The following CNTNAP2 variants were observed in gnomAD, a reference collection of about 807,000 sequenced individuals.
The protein encoded by CNTNAP2 is contactin-associated protein-like 2.
In CNTNAP2, 98 loss-of-function variants were observed where a neutral mutation model predicts 155.2. The ratio of observed to expected loss-of-function variants is 0.63; its 90% confidence interval spans 0.54 to 0.75. CNTNAP2 has a LOEUF of 0.75. Among genes scored for constraint, CNTNAP2 ranks in the 30% least tolerant of loss-of-function variants. CNTNAP2 has a pLI of 0.00. For synonymous variants in CNTNAP2, 651 were observed against 631.2 expected, an observed-to-expected ratio of 1.03 and a Z score of -0.47; for missense variants, 1,727 against 1,688.1, an observed-to-expected ratio of 1.02 and a Z score of -0.40.
At chr7:147,202,911 A>G (rs1802951269) in intron 8 of CNTNAP2, among the ~76,000 whole-genome samples, 1 of 151,514 alleles carries the variant, frequency 6.6e-6, no homozygotes, top group Non-Finnish European at 1.5e-5. Context: ...ATTGTTATGG[A>G]CACATTTCCA....
intron 2 of CNTNAP2, among the ~76,000 whole-genome samples, chr7:146,826,949 C>T (rs933859737): frequency 6.6e-5 from 10 of 150,986 alleles, no homozygotes; most frequent in Non-Finnish European, 1.3e-4. Flanking sequence ...ACAGTAACTG[C>T]TCTGGAGAAG....
chr7:146,818,585 C>T (rs943127471), intron 2 of CNTNAP2, among the ~76,000 whole-genome samples: 8 of 152,090 alleles, frequency 5.3e-5, no homozygotes, highest in African/African-American at 1.7e-4. Context: ...AGAACTCAAA[C>T]TGATTTCTGT....
rs1252824720 is a variant in CNTNAP2, at chr7:146,350,729, C to T, written c.97+233756C>T. On this transcript the variant is annotated intron_variant, in intron 1 of 23. Transcript: ENST00000361727. The stretch of plus-strand genomic sequence containing the variant: ...ATGCTGCTATAAAGACACATGCACA[C>T]GTATGTTTATTGCGGCACTATTCAC... Among the ~76,000 whole-genome samples, 22 of 152,048 alleles carry T rather than the reference C, an allele frequency of 1.4e-4. No individual in the cohort carries two copies. In the East Asian group the frequency reaches 3.7e-3, roughly 25 times the overall value.
intron 1 of CNTNAP2, among the ~76,000 whole-genome samples, chr7:146,210,045 C>G (rs1799009407): frequency 6.6e-6 from 1 of 152,032 alleles, no homozygotes; most frequent in Non-Finnish European, 1.5e-5. Flanking sequence ...CCCTTCTCCC[C>G]CAGATTAAAT....
chr7:146,911,511 A>G (rs970462612), intron 3 of CNTNAP2, among the ~76,000 whole-genome samples: 78 of 152,194 alleles, frequency 5.1e-4, no homozygotes, highest in Admixed American at 2.2e-3. Flanking sequence ...TTGTAGGGAC[A>G]TGGATGAAAT....
chr7:148,124,830 G>C (rs201373049), intron 16 of CNTNAP2, among the ~76,000 whole-genome samples: 1 of 152,216 alleles, frequency 6.6e-6, no homozygotes, highest in African/African-American at 2.4e-5. Context: ...ATGAACAATC[G>C]GTGGAGAGGT....
At chr7:147,467,556 G>A (rs1261501621) in intron 10 of CNTNAP2, among the ~76,000 whole-genome samples, 1 of 152,160 alleles carries the variant, frequency 6.6e-6, no homozygotes, top group Non-Finnish European at 1.5e-5. Context: ...AGGAAGTATT[G>A]AAAGGTCACC....
intron 1 of CNTNAP2, among the ~76,000 whole-genome samples, chr7:146,179,400 A>G (rs1004574355): frequency 6.6e-6 from 1 of 152,086 alleles, no homozygotes; most frequent in African/African-American, 2.4e-5. Context: ...TATCAAAGAA[A>G]TATAACCTAG....
intron 1 of CNTNAP2, among the ~76,000 whole-genome samples, chr7:146,732,325 G>T (rs942459990): frequency 6.6e-6 from 1 of 152,016 alleles, no homozygotes; most frequent in Non-Finnish European, 1.5e-5. Context: ...CTCTTCACAT[G>T]TTATGACTTT....
At chr7:147,520,403 G>A (rs1051507949) in intron 11 of CNTNAP2, among the ~76,000 whole-genome samples, 1 of 152,174 alleles carries the variant, frequency 6.6e-6, no homozygotes, top group Non-Finnish European at 1.5e-5. Flanking sequence ...GGATGATTTT[G>A]TTTACTACCA....
intron 21 of CNTNAP2, among the ~76,000 whole-genome samples, chr7:148,341,072 A>G (rs1311561717): frequency 6.6e-6 from 1 of 152,152 alleles, no homozygotes; most frequent in Non-Finnish European, 1.5e-5. Flanking sequence ...CACATATGCT[A>G]TGCACTTAGC....
intron 1 of CNTNAP2, among the ~76,000 whole-genome samples, chr7:146,698,898 G>A (rs1161607196): frequency 3.3e-5 from 5 of 151,968 alleles, no homozygotes; most frequent in Non-Finnish European, 5.9e-5. Context: ...ACTGTGTCCA[G>A]CCTACTAATG....
intron 2 of CNTNAP2, among the ~76,000 whole-genome samples, chr7:146,778,774 T>C (rs576302651): frequency 2.4e-4 from 37 of 152,324 alleles, no homozygotes; most frequent in African/African-American, 7.7e-4. Flanking sequence ...GAGATGCCAA[T>C]CAATTCTTCT....
At chr7:147,084,021 GTATA>G (rs1305236698) in intron 4 of CNTNAP2, among the ~76,000 whole-genome samples, 15 of 130,238 alleles carry the variant, frequency 1.2e-4, no homozygotes, top group African/African-American at 4.2e-4. Context: ...TGCTATATAT[GTATA>G]TATAATACAT....
chr7:147,709,243 C>G (rs931671893), intron 13 of CNTNAP2, among the ~76,000 whole-genome samples: 5 of 152,166 alleles, frequency 3.3e-5, no homozygotes, highest in African/African-American at 1.2e-4. Context: ...GTTATCTTTA[C>G]TCCAGAACTC....
At chr7:146,987,196 G>C (rs935950635) in intron 3 of CNTNAP2, among the ~76,000 whole-genome samples, 4 of 152,118 alleles carry the variant, frequency 2.6e-5, no homozygotes, top group Non-Finnish European at 5.9e-5. Flanking sequence ...AGAATGATTA[G>C]CAAATACGTT....
At chr7:146,946,118 CCTTCTTTCCTTCCTTCCTTCCTTT>C (rs1243410763) in intron 3 of CNTNAP2, among the ~76,000 whole-genome samples, 1 of 151,346 alleles carries the variant, frequency 6.6e-6, no homozygotes, top group Admixed American at 6.6e-5. Context: ...TTCCTTCCTT[CCTTCTTTCCTTCCTTCCTTCCTTT>C]CTTCTTTCCT....
At position 146,644,056 on chromosome 7, in the gene CNTNAP2, T is replaced by C. The variant is rs570697009; in HGVS notation, c.98-130215T>C. On this transcript the variant is annotated intron_variant, in intron 1 of 23. Coordinates refer to ENST00000361727, the MANE Select transcript of CNTNAP2 (RefSeq NM_014141.6). ...AAGTTGCTTATCAGTTTAAGGAGAT[T>C]TTGGGCTGAAACAATGGGGTTTTCT... Among the ~76,000 whole-genome samples the C allele has an allele frequency of 1.3e-3, 204 of 152,302 alleles. 1 individual carries two copies. Among genetic ancestry groups the C allele is most frequent in the Non-Finnish European group, 2.1e-3 (146 of 68,036 alleles).
chr7:146,567,383 A>G (rs1798373494), intron 1 of CNTNAP2, among the ~76,000 whole-genome samples: 1 of 152,198 alleles, frequency 6.6e-6, no homozygotes, highest in African/African-American at 2.4e-5. Flanking sequence ...ATTTTCTAAA[A>G]CAATAAATGT....
Sources: allele counts gnomAD v4.1 joint callset (sites outside exome capture counted in the v4.1 genomes callset), GRCh38; gene constraint gnomAD v4.1.1; transcripts MANE v1.5; gene names NCBI Gene and HGNC (gene_info 2026-07-23, HGNC 2026-07-21).